The following NUCB2 variants were observed in gnomAD, a reference collection of about 807,000 sequenced individuals.
The protein encoded by NUCB2 is nucleobindin-2.
NUCB2 carries 48 observed loss-of-function variants against 57.9 expected under a neutral mutation model. The ratio of observed to expected loss-of-function variants is 0.83; its 90% CI spans 0.66 to 1.05. The LOEUF (loss-of-function observed/expected upper bound fraction) is 1.05, where lower values mean the gene tolerates loss of function less well. Among genes scored for constraint, NUCB2 ranks in the 50% least tolerant of loss-of-function variants. The pLI is 0.00. For missense variants in NUCB2, 442 were observed against 476.2 expected (o/e 0.93, Z 0.67); for synonymous variants, 139 against 152.1 (o/e 0.91, Z 0.64).
chr11:17,290,326 CAAT>C (rs747874984), intron 2 of NUCB2, among the ~76,000 whole-genome samples: 2 of 152,244 alleles, frequency 1.3e-5, no homozygotes, highest in African/African-American at 4.8e-5. Context: ...GAAGTTATGA[CAAT>C]AATAATAACT....
chr11:17,283,377 T>C (rs1943080434), intron 2 of NUCB2: 1 of 152,224 alleles, frequency 6.6e-6, no homozygotes, highest in Admixed American at 6.5e-5. Context: ...AATTGGGCTT[T>C]TGTTACTGAG....
exon 3 of NUCB2, chr11:17,349,721 G>A (rs1302929687): frequency 1.3e-5 from 2 of 152,176 alleles, no homozygotes; most frequent in African/African-American, 4.8e-5. Flanking sequence ...ACAGATATTG[G>A]TTGACAAATA....
intron 10 of NUCB2, 33 bp downstream of exon 10, chr11:17,312,153 T>C: frequency 2.0e-6 from 2 of 991,042 alleles, no homozygotes; most frequent in Non-Finnish European, 3.1e-6. Flanking sequence ...AATATGTTAT[T>C]TCTATGTATT....
chr11:17,336,286 C>A (rs1382980455), downstream of NUCB2, among the ~76,000 whole-genome samples: 4 of 151,982 alleles, frequency 2.6e-5, no homozygotes, highest in African/African-American at 7.3e-5. Flanking sequence ...AATCCAATAT[C>A]TAAAAATTAG....
intron 1 of NUCB2, among the ~76,000 whole-genome samples, chr11:17,279,403 C>T (rs1591142627): frequency 6.6e-6 from 1 of 152,128 alleles, no homozygotes; most frequent in East Asian, 1.9e-4. Flanking sequence ...GTATTTATAA[C>T]CTTTTATAAA....
intron 11 of NUCB2, among the ~76,000 whole-genome samples, chr11:17,328,970 T>C (rs2139425545): frequency 6.6e-6 from 1 of 152,222 alleles, no homozygotes; most frequent in South Asian, 2.1e-4. Flanking sequence ...GTCTTGCCGC[T>C]GATTATTCAG....
chr11:17,338,675 T>C (rs1029342578), intron 2 of NUCB2, among the ~76,000 whole-genome samples: 3 of 152,176 alleles, frequency 2.0e-5, no homozygotes, highest in Non-Finnish European at 2.9e-5. Flanking sequence ...TTTTATTTTA[T>C]TTTTTTGAGA....
intron 11 of NUCB2, among the ~76,000 whole-genome samples, chr11:17,325,164 G>T (rs1950521309): frequency 1.3e-5 from 2 of 152,278 alleles, no homozygotes; most frequent in East Asian, 1.9e-4. Flanking sequence ...CTCTATAGCT[G>T]TTGGATGAAA....
Position 17,309,644 on chromosome 11 carries a change from A to C in NUCB2, c.452A>C (p.Glu151Ala), listed in dbSNP as rs754353612. 2 of 1,606,328 alleles carry C rather than the reference A, an allele frequency of 1.2e-6. No individual in the cohort carries two copies. The highest frequency in any genetic ancestry group is 8.5e-7 in the Non-Finnish European group (1 of 1,177,384). Residue 151 changes from glutamate to alanine, a missense_variant, in exon 6 of 14, where the codon GAA becomes GCA. Coordinates refer to ENST00000529010, the MANE Select transcript of NUCB2 (RefSeq NM_005013.4). The part of the protein sequence containing the change: ...HLNHLNPDKF[E>A]STDLDMLIKA... ...AACCACCTGAATCCTGACAAGTTTG[A>C]ATCCACAGATTTAGATATGCTAATC...
chr11:17,325,844 T>C (rs907843977), intron 11 of NUCB2, among the ~76,000 whole-genome samples: 2 of 152,192 alleles, frequency 1.3e-5, no homozygotes, highest in African/African-American at 4.8e-5. Flanking sequence ...TGTATGTTTT[T>C]AGATTTGAGG....
intron 11 of NUCB2, among the ~76,000 whole-genome samples, chr11:17,318,576 T>C (rs1212372137): frequency 6.6e-6 from 1 of 152,082 alleles, no homozygotes; most frequent in African/African-American, 2.4e-5. Context: ...CCAGGGAATA[T>C]TTTTAAGGCT....
At chr11:17,290,646 AT>A (rs1944763670) in intron 2 of NUCB2, among the ~76,000 whole-genome samples, 2 of 152,178 alleles carry the variant, frequency 1.3e-5, no homozygotes, top group South Asian at 4.1e-4. Flanking sequence ...GTTTATATAT[AT>A]ATACCTAATA....
intron 5 of NUCB2, among the ~76,000 whole-genome samples, chr11:17,305,140 A>G (rs1253546987): frequency 1.3e-5 from 2 of 152,210 alleles, no homozygotes; most frequent in African/African-American, 2.4e-5. Context: ...TTTCGCCAAC[A>G]TGGCAAAACC....
At chr11:17,282,236 C>CTATCTATCTATATA (rs370686689) in intron 1 of NUCB2, among the ~76,000 whole-genome samples, 3 of 104,086 alleles carry the variant, frequency 2.9e-5, no homozygotes, top group Non-Finnish European at 6.3e-5. Flanking sequence ...ATCTATCTAT[C>CTATCTATCTATATA]TATATATATA....
At chr11:17,336,631 G>A (rs1951822336), downstream of NUCB2, among the ~76,000 whole-genome samples, 1 of 151,268 alleles carries the variant, frequency 6.6e-6, no homozygotes, top group South Asian at 2.1e-4. Flanking sequence ...GCGGGCGCCT[G>A]TAGTCCCAGC....
chr11:17,317,765 G>A (rs955488202), intron 11 of NUCB2: 2 of 187,838 alleles, frequency 1.1e-5, no homozygotes, highest in African/African-American at 2.3e-5. Context: ...TTTATGTAAC[G>A]TTATTATTTT....
intron 11 of NUCB2, among the ~76,000 whole-genome samples, chr11:17,328,699 G>A (rs1950999883): frequency 6.6e-6 from 1 of 152,100 alleles, no homozygotes; most frequent in Admixed American, 6.5e-5. Flanking sequence ...CTTCAGGGAA[G>A]TGGGCTCCCC....
intron 2 of NUCB2, among the ~76,000 whole-genome samples, chr11:17,341,916 G>A (rs1301456838): frequency 6.6e-6 from 1 of 152,166 alleles, no homozygotes; most frequent in Non-Finnish European, 1.5e-5. Context: ...TGTACCTCTG[G>A]TAGAATTAGG....
At chr11:17,285,099 G>C (rs547929688) in intron 2 of NUCB2, among the ~76,000 whole-genome samples, 95 of 152,118 alleles carry the variant, frequency 6.2e-4, no homozygotes, top group Non-Finnish European at 1.2e-3. Context: ...AAAGGAAGAG[G>C]GGCAAAAGAA....
Sources: allele counts gnomAD v4.1 joint callset (sites outside exome capture counted in the v4.1 genomes callset), GRCh38; gene constraint gnomAD v4.1.1; transcripts MANE v1.5; gene names NCBI Gene and HGNC (gene_info 2026-07-23, HGNC 2026-07-21).